Variants in GAS6 observed in about 807,000 individuals in gnomAD.
GAS6 encodes the protein growth arrest-specific protein 6.
A neutral mutation model predicts 75.8 loss-of-function variants in GAS6; 41 were observed. That is an observed-to-expected ratio of 0.54 (90% confidence interval 0.42 to 0.70). The LOEUF (loss-of-function observed/expected upper bound fraction) is 0.70, where lower values mean the gene tolerates loss of function less well. Among genes scored for constraint, GAS6 ranks in the 30% least tolerant of loss-of-function variants. GAS6 has a pLI of 0.00. For synonymous variants in GAS6, 432 were observed against 412.6 expected, an observed-to-expected ratio of 1.05 and a Z score of -0.57; for missense variants, 854 against 940.2, an observed-to-expected ratio of 0.91 and a Z score of 1.20.
intron 14 of GAS6, 107 bp downstream of exon 14, chr13:113,821,851 C>T (rs192668475): frequency 2.1e-5 from 18 of 855,428 alleles, no homozygotes; most frequent in East Asian, 8.2e-5. Context: ...AGTCCTCTTC[C>T]GCATTCACTA....
intron 12 of GAS6, among the ~76,000 whole-genome samples, chr13:113,823,954 G>A (rs1393745363): frequency 1.3e-5 from 2 of 152,248 alleles, no homozygotes; most frequent in African/African-American, 4.8e-5. Flanking sequence ...CATCTCACCT[G>A]CAGCTTTCAG....
intron 13 of GAS6, 105 bp from the exon 14 acceptor site, chr13:113,822,291 T>C: frequency 1.2e-6 from 1 of 852,372 alleles, no homozygotes. Context: ...GCCGCACGCC[T>C]GTCTCCGTCC....
At chr13:113,852,175 A>G (rs1410690779) in intron 2 of GAS6, among the ~76,000 whole-genome samples, 1 of 152,154 alleles carries the variant, frequency 6.6e-6, no homozygotes, top group Non-Finnish European at 1.5e-5. Flanking sequence ...TTAAAACATG[A>G]GCTTTAGGCA....
chr13:113,826,413 C>T (rs1377037172), intron 12 of GAS6, among the ~76,000 whole-genome samples: 1 of 140,684 alleles, frequency 7.1e-6, no homozygotes, highest in Non-Finnish European at 1.6e-5. Flanking sequence ...TCTCCCCGGC[C>T]TCCCGGCGCT....
At chr13:113,836,992 A>C (rs1375719168) in intron 6 of GAS6, among the ~76,000 whole-genome samples, 1 of 151,292 alleles carries the variant, frequency 6.6e-6, no homozygotes, top group African/African-American at 2.4e-5. Flanking sequence ...CTGTGAGCCT[A>C]GACTTTGCCG....
intron 2 of GAS6, among the ~76,000 whole-genome samples, chr13:113,859,007 T>C (rs557539772): frequency 2.6e-5 from 4 of 152,146 alleles, no homozygotes; most frequent in African/African-American, 9.6e-5. Context: ...TGTATACATG[T>C]CTGTTAGTAT....
chr13:113,824,585 A>T (rs2051510401), intron 12 of GAS6, among the ~76,000 whole-genome samples: 1 of 152,210 alleles, frequency 6.6e-6, no homozygotes, highest in South Asian at 2.1e-4. Flanking sequence ...CCTGATAAAG[A>T]AGCTGTTTTA....
In GAS6 at chr13:113,863,431, G is replaced by A; in HGVS notation, c.255+144C>T. On this transcript the variant is annotated intron_variant, in intron 2 of 14. Coordinates refer to ENST00000327773, the MANE Select transcript of GAS6 (RefSeq NM_000820.4). This position sits in a 1 kb window ranked among gnomAD's most constrained non-coding sequence, Gnocchi z 9.4. ...TCGCCGGGGGATGGGCGTGGGGGAC[G>A]CGGGGCGGGCCGGGGCTCCTGGGAC... is the stretch of plus-strand genomic sequence containing the variant. 1.4e-6 allele frequency: 1 copy of A among 723,740 alleles called. No homozygotes were observed. Among genetic ancestry groups the A allele is most frequent in the Non-Finnish European group, 1.9e-6 (1 of 515,566 alleles). 44.8% of individuals were successfully genotyped at this position (723,740 alleles called of 1,614,324 possible).
intron 2 of GAS6, among the ~76,000 whole-genome samples, chr13:113,855,097 A>C (rs1356867234): frequency 6.6e-6 from 1 of 152,256 alleles, no homozygotes; most frequent in South Asian, 2.1e-4. Flanking sequence ...ATAAAACAGC[A>C]AAATAAAATA....
rs1566355483 is a variant in GAS6, at chr13:113,827,126, G to C, written c.1347C>G (p.Asn449Lys). 6.2e-7 allele frequency: 1 copy of C among 1,613,474 alleles called. No homozygotes were observed. The highest frequency in any genetic ancestry group is 1.7e-5 in the Admixed American group (1 of 60,008). The change falls in exon 12 of 15, where the codon AAC (asparagine) becomes AAG (lysine). Residue 449 changes from asparagine (N) to lysine (K), a missense_variant. Physicochemically the swap from Asn to Lys is moderately conservative, Grantham distance 94. Coordinates refer to ENST00000327773, the MANE Select transcript of GAS6 (RefSeq NM_000820.4). ...PRLDGCMRSW[N>K]WLNGEDTTIQ... ...TGGTGGTGTCTTCTCCGTTCAGCCA[G>C]TTCCAGCTCCTCATGCAGCCATCCA... is the stretch of plus-strand genomic sequence containing the variant.
chr13:113,864,076 T>A lies in GAS6; in HGVS notation c.-156A>T. 1 of 780,096 alleles carries A rather than the reference T, an allele frequency of 1.3e-6. No homozygotes were observed. The highest frequency in any genetic ancestry group is 1.6e-6 in the Non-Finnish European group (1 of 640,910). The allele number at this position is 780,096 out of a possible 1,614,324, so 48.3% of individuals were successfully genotyped here. ...GCTGCGGCACCTCAAGCGCTCGGTC[T>A]GGGCGTGTTCGGGCGGCTGCGCGCG... On this transcript the variant is annotated 5_prime_UTR_variant, in exon 1 of 15. Coordinates refer to ENST00000327773, the MANE Select transcript of GAS6 (RefSeq NM_000820.4).
At chr13:113,823,574 A>G in intron 12 of GAS6, 24 bp from the exon 13 acceptor site, 4 of 1,596,832 alleles carry the variant, frequency 2.5e-6, no homozygotes, top group Non-Finnish European at 3.4e-6. Context: ...GGTGCATTAT[A>G]GGGTGGTATG....
intron 2 of GAS6, among the ~76,000 whole-genome samples, chr13:113,861,259 C>T (rs1035594615): frequency 6.6e-6 from 1 of 152,140 alleles, no homozygotes; most frequent in African/African-American, 2.4e-5. Context: ...TGGGTAGGTG[C>T]GTGTTAACTA....
chr13:113,847,999 C>G, intron 3 of GAS6, 27 bp downstream of exon 3: 1 of 1,604,176 alleles, frequency 6.2e-7, no homozygotes, highest in Non-Finnish European at 8.5e-7. Context: ...CTACGACAAC[C>G]AGAGTAGAGA....
intron 10 of GAS6, among the ~76,000 whole-genome samples, chr13:113,829,604 G>A (rs1351514131): frequency 4.6e-5 from 7 of 150,850 alleles, no homozygotes; most frequent in Non-Finnish European, 1.0e-4. Flanking sequence ...CAACCTCAGA[G>A]AGACCACCTG....
At chr13:113,852,676 C>T (rs1422178123) in intron 2 of GAS6, among the ~76,000 whole-genome samples, 1 of 152,198 alleles carries the variant, frequency 6.6e-6, no homozygotes, top group Admixed American at 6.5e-5. Context: ...CCGCCCCTGC[C>T]CTGCCCACCA....
At chr13:113,826,074 C>T (rs2051533839) in intron 12 of GAS6, among the ~76,000 whole-genome samples, 3 of 152,228 alleles carry the variant, frequency 2.0e-5, no homozygotes, top group Admixed American at 6.5e-5. Flanking sequence ...AGGGTGGGGC[C>T]GAGCAGTAAC....
At position 113,848,396 on chromosome 13, in the gene GAS6, T is replaced by C. The variant is rs2051850010; in HGVS notation, c.256-346A>G. 6.6e-6 allele frequency among the ~76,000 whole-genome samples: 1 copy of C among 152,184 alleles called. No homozygotes were observed. Among genetic ancestry groups the C allele is most frequent in the Non-Finnish European group, 1.5e-5 (1 of 68,038 alleles). On this transcript the variant is annotated intron_variant, in intron 2 of 14. Coordinates refer to ENST00000327773, the MANE Select transcript of GAS6 (RefSeq NM_000820.4). The surrounding 1 kb of genome is among the most constrained non-coding windows in gnomAD (Gnocchi z 4.8). ...AGTTCCCTGTTGACACAAAGGTCTC[T>C]CAAAACCCCAAAGACCTTTCTTTTG...
Position 113,834,818 on chromosome 13 carries a change from TC to T in GAS6, c.713-147del, listed in dbSNP as rs113066253. The T allele has an allele frequency of 6.4e-3, 5,172 of 810,618 alleles. 176 individuals carry two copies. In the African/African-American group the frequency reaches 0.074, roughly 12 times the overall value. 50.2% of individuals were successfully genotyped at this position (810,618 alleles called of 1,614,324 possible). ...TAACGGGGGCGGCTTGGGGGTCGCG[TC>T]CCCCCCCACTGGAAAGCTAGGTTGC... is the stretch of plus-strand genomic sequence containing the variant. On this transcript the variant is annotated intron_variant, in intron 7 of 14. Transcript: ENST00000327773.
Sources: allele counts gnomAD v4.1 joint callset (sites outside exome capture counted in the v4.1 genomes callset), GRCh38; gene constraint gnomAD v4.1.1; non-coding constraint Gnocchi (gnomAD v3.1); transcripts MANE v1.5; gene names NCBI Gene and HGNC (gene_info 2026-07-23, HGNC 2026-07-21).